CENPE: variants seen among roughly 807,000 people sequenced by gnomAD.
CENPE encodes the protein centromere-associated protein E.
Under a neutral mutation model 336.1 loss-of-function variants are expected in CENPE, and 145 were observed. That is an observed-to-expected ratio of 0.43 (90% CI 0.38 to 0.50). The LOEUF is 0.50. Ranked by LOEUF, CENPE falls within the 20% of genes least tolerant of loss-of-function variation. CENPE has a pLI of 0.00. For missense variants in CENPE, 2,719 were observed against 3,023.3 expected (o/e 0.90, Z 2.36); for synonymous variants, 1,013 against 984.8 (o/e 1.03, Z -0.54).
chr4:103,130,501 AT>A (rs1183840725), intron 42 of CENPE, among the ~76,000 whole-genome samples: 1 of 152,200 alleles, frequency 6.6e-6, no homozygotes, highest in Non-Finnish European at 1.5e-5. Context: ...CCAAACTCTT[AT>A]AAAAAAATAA....
intron 16 of CENPE, among the ~76,000 whole-genome samples, chr4:103,168,105 C>G (rs955374250): frequency 6.6e-6 from 1 of 152,078 alleles, no homozygotes; most frequent in Non-Finnish European, 1.5e-5. Context: ...CCTGCTGCAG[C>G]CTCCCTGCTC....
chr4:103,187,639 CT>C, intron 8 of CENPE, among the ~76,000 whole-genome samples: 1 of 152,156 alleles, frequency 6.6e-6, no homozygotes, highest in East Asian at 1.9e-4. Flanking sequence ...ACAAGAGCTC[CT>C]GAAGGAAGCA....
At chr4:103,127,228 A>C (rs914253272) in intron 42 of CENPE, among the ~76,000 whole-genome samples, 14 of 152,060 alleles carry the variant, frequency 9.2e-5, no homozygotes, top group African/African-American at 3.1e-4. Flanking sequence ...GCTAGAAGGG[A>C]AAAAACACCA....
chr4:103,136,734 G>A (rs917401754), intron 39 of CENPE, among the ~76,000 whole-genome samples: 1 of 152,134 alleles, frequency 6.6e-6, no homozygotes. Context: ...GTTGAGTGCT[G>A]GTTTATGTTT....
intron 8 of CENPE, among the ~76,000 whole-genome samples, chr4:103,191,011 G>A (rs143929137): frequency 1.3e-5 from 2 of 149,880 alleles, no homozygotes; most frequent in Non-Finnish European, 3.0e-5. Context: ...CTTCTCAAAA[G>A]AAGACATTTA....
chr4:103,180,873 ATT>A (rs1046023272), intron 12 of CENPE, among the ~76,000 whole-genome samples: 1 of 152,262 alleles, frequency 6.6e-6, no homozygotes, highest in South Asian at 2.1e-4. Flanking sequence ...TTAATGCGTG[ATT>A]TTTTACAAAA....
chr4:103,186,025 T>A (rs1252476284), intron 8 of CENPE, among the ~76,000 whole-genome samples, 164 bp from the exon 9 acceptor site: 1 of 152,238 alleles, frequency 6.6e-6, no homozygotes, highest in East Asian at 1.9e-4. Flanking sequence ...TGAGTCAAAC[T>A]GTTCTCTATC....
At chr4:103,145,006 C>A in intron 32 of CENPE, 44 bp downstream of exon 32, 1 of 1,439,568 alleles carries the variant, frequency 6.9e-7, no homozygotes, top group East Asian at 2.3e-5. Context: ...CACCTTAACA[C>A]TATTTCTGTA....
At chr4:103,109,193 A>G (rs866292605) in intron 47 of CENPE, 104 bp from the exon 48 acceptor site, 2 of 853,834 alleles carry the variant, frequency 2.3e-6, no homozygotes, top group Admixed American at 3.5e-5. Context: ...TGAAATATAT[A>G]TAACATAAAA....
At chr4:103,144,310 T>G in intron 33 of CENPE, 21 bp downstream of exon 33, 1 of 1,564,560 alleles carries the variant, frequency 6.4e-7, no homozygotes, top group Non-Finnish European at 8.7e-7. Flanking sequence ...TTACTAGAGG[T>G]GTAGAGAGAT....
At chr4:103,110,776 A>G in intron 47 of CENPE, 52 bp downstream of exon 47, 3 of 1,391,300 alleles carry the variant, frequency 2.2e-6, no homozygotes, top group Non-Finnish European at 2.9e-6. Context: ...ATGTCCCTAC[A>G]TATATGTAAT....
In CENPE at chr4:103,158,884, A is replaced by C. The variant is rs1754183981; in HGVS notation, c.2604T>G (p.Leu868=). The change falls in exon 23 of 49, where the codon CTT becomes CTG. Residue 868 remains leucine (L), a splice_region_variant and synonymous_variant. Coordinates refer to ENST00000265148, the MANE Select transcript of CENPE (RefSeq NM_001813.3). ...DSSLGALKTE[L]SYKTQELQEK... is the part of the protein sequence containing the mutation. The stretch of plus-strand genomic sequence containing the variant: ...CCTGAAGTTCTTGGGTCTTGTAAGA[A>C]AGCTTTAAAAAAGAAAAAGTAAATG... The C allele has an allele frequency of 6.3e-7, 1 of 1,592,182 alleles. No individual in the cohort carries two copies. The highest frequency in any genetic ancestry group is 8.5e-7 in the Non-Finnish European group (1 of 1,174,160).
intron 44 of CENPE, among the ~76,000 whole-genome samples, 158 bp from the exon 45 acceptor site, chr4:103,116,847 G>C (rs1750161615): frequency 6.6e-6 from 1 of 151,976 alleles, no homozygotes; most frequent in Admixed American, 6.5e-5. Context: ...TGAATAACTA[G>C]ATATTGATAT....
At chr4:103,180,266 C>T (rs1489615325) in intron 13 of CENPE, 45 bp downstream of exon 13, 5 of 1,547,998 alleles carry the variant, frequency 3.2e-6, no homozygotes, top group Non-Finnish European at 2.6e-6. Context: ...AATACCAATT[C>T]TATTCTCTGT....
At chr4:103,112,925 CAT>C (rs1217551666) in intron 46 of CENPE, among the ~76,000 whole-genome samples, 38 of 28,208 alleles carry the variant, frequency 1.3e-3, no homozygotes, top group East Asian at 6.2e-3. Flanking sequence ...TATAAGTGTA[CAT>C]ATATACTTAT....
At chr4:103,127,098 A>AT (rs1276212847) in intron 42 of CENPE, among the ~76,000 whole-genome samples, 4 of 94,772 alleles carry the variant, frequency 4.2e-5, no homozygotes, top group Admixed American at 9.8e-5. Flanking sequence ...GGACAAATAT[A>AT]AAAAAAAAAA....
intron 12 of CENPE, among the ~76,000 whole-genome samples, chr4:103,180,796 A>G (rs1197178553): frequency 6.6e-6 from 1 of 152,190 alleles, no homozygotes; most frequent in Non-Finnish European, 1.5e-5. Context: ...TTGAATTCTG[A>G]TAGTAAAGAT....
chr4:103,139,708 G>C (rs913561521), intron 38 of CENPE, 81 bp downstream of exon 38: 2 of 1,287,908 alleles, frequency 1.6e-6, no homozygotes, highest in African/African-American at 3.0e-5. Flanking sequence ...TCCAGAGAAA[G>C]AAATAAAAAC....
chr4:103,188,499 C>T (rs1394620260), intron 8 of CENPE, among the ~76,000 whole-genome samples: 8 of 152,054 alleles, frequency 5.3e-5, no homozygotes, highest in Non-Finnish European at 8.8e-5. Flanking sequence ...CACTCAAAAC[C>T]GCTCAACTGC....
Sources: allele counts gnomAD v4.1 joint callset (sites outside exome capture counted in the v4.1 genomes callset), GRCh38; gene constraint gnomAD v4.1.1; transcripts MANE v1.5; gene names NCBI Gene and HGNC (gene_info 2026-07-23, HGNC 2026-07-21).